SIK3: variants seen among roughly 807,000 people sequenced by gnomAD.
SIK3 encodes SIK family kinase 3, also known as serine/threonine-protein kinase SIK3.
In SIK3, 28 loss-of-function variants were observed where a neutral mutation model predicts 144.2. That is an observed-to-expected ratio of 0.19 (90% CI 0.14 to 0.27). The LOEUF (loss-of-function observed/expected upper bound fraction) is 0.27, where lower values mean the gene tolerates loss of function less well. SIK3 is among the 10% of genes least tolerant of loss of function. The pLI, the probability that SIK3 is intolerant of heterozygous loss-of-function variation, is 1.00. For synonymous variants in SIK3, 686 were observed against 676.3 expected (o/e 1.01, Z -0.22); for missense variants, 1,319 against 1,776.0 (o/e 0.74, Z 4.62).
chr11:116,989,535 C>T (rs1394565756), intron 1 of SIK3, among the ~76,000 whole-genome samples: 3 of 151,478 alleles, frequency 2.0e-5, no homozygotes, highest in African/African-American at 7.3e-5. Context: ...CAAAAAGATA[C>T]AGTATCAGTA....
rs75354941 is a variant in SIK3 at position 117,070,079 on chromosome 11, C to T, written c.273+28064G>A. ...CTAAGAGATCAACATTAGCTTAGCT[C>T]TATTCCTTAGTCATGAAATGCATCC... On this transcript the variant is annotated intron_variant, in intron 1 of 24. Transcript: ENST00000445177. Among the ~76,000 whole-genome samples, 124 of 152,260 alleles carry T rather than the reference C, an allele frequency of 8.1e-4. 1 individual carries two copies. In the East Asian group the frequency reaches 0.024, roughly 29 times the overall value.
chr11:116,852,989 G>C (rs1440529258), intron 21 of SIK3, among the ~76,000 whole-genome samples: 1 of 152,140 alleles, frequency 6.6e-6, no homozygotes, highest in Non-Finnish European at 1.5e-5. Flanking sequence ...GTGCAGAGTG[G>C]GCAAGGAGGC....
chr11:117,023,621 A>AAAAAAATATATATATATATATAT (rs754624841), intron 1 of SIK3, among the ~76,000 whole-genome samples: 2 of 95,420 alleles, frequency 2.1e-5, no homozygotes, highest in East Asian at 6.1e-4. Context: ...AAAAAAAAAA[A>AAAAAAATATATATATATATATAT]ATATATATAT....
chr11:117,061,789 T>C (rs1953806154), intron 1 of SIK3, among the ~76,000 whole-genome samples: 1 of 152,106 alleles, frequency 6.6e-6, no homozygotes, highest in Non-Finnish European at 1.5e-5. Flanking sequence ...TCTTTGAAAA[T>C]GTCAATAAAT....
At chr11:116,941,410 A>G (rs1237135011) in intron 3 of SIK3, among the ~76,000 whole-genome samples, 1 of 5,204 alleles carries the variant, frequency 1.9e-4, no homozygotes, top group Admixed American at 1.4e-3. Context: ...AAAACATGTA[A>G]AAAAAAAAAA....
chr11:116,855,461 T>A (rs1352487166), intron 21 of SIK3: 2 of 151,610 alleles, frequency 1.3e-5, no homozygotes, highest in East Asian at 3.9e-4. Context: ...GAAGAAGGGG[T>A]CCTCTGACAA....
chr11:116,930,334 A>G (rs1158364076), intron 3 of SIK3, among the ~76,000 whole-genome samples: 1 of 152,146 alleles, frequency 6.6e-6, no homozygotes, highest in Non-Finnish European at 1.5e-5. Flanking sequence ...AGCAGCCTGC[A>G]GTGGTTTTCA....
At chr11:117,011,188 G>A (rs755434664) in intron 1 of SIK3, among the ~76,000 whole-genome samples, 19 of 152,230 alleles carry the variant, frequency 1.2e-4, no homozygotes, top group Non-Finnish European at 2.2e-4. Flanking sequence ...GAAGAAAAAA[G>A]AGATGAAATC....
At chr11:117,092,063 G>C (rs1377414471) in intron 1 of SIK3, among the ~76,000 whole-genome samples, 1 of 152,084 alleles carries the variant, frequency 6.6e-6, no homozygotes, top group Non-Finnish European at 1.5e-5. Flanking sequence ...GGAATTACAG[G>C]CATGAGCCAC....
chr11:116,849,385 A>C lies in SIK3; in HGVS notation c.3656-102T>G. 7.2e-7 allele frequency: 1 copy of C among 1,386,482 alleles called. No homozygotes were observed. Among genetic ancestry groups the C allele is most frequent in the South Asian group, 1.3e-5 (1 of 79,804 alleles). 85.9% of individuals were successfully genotyped at this position (1,386,482 alleles called of 1,614,324 possible). On this transcript the variant is annotated intron_variant, in intron 21 of 24. Transcript: ENST00000445177. The surrounding 1 kb of genome is among the most constrained non-coding windows in gnomAD (Gnocchi z 4.2). ...TTGCAAGGGACAATGGGCAAGGCTG[A>C]GGAGATCATGTACACCAACCGCTGA... is the stretch of plus-strand genomic sequence containing the variant.
intron 3 of SIK3, among the ~76,000 whole-genome samples, chr11:116,953,328 T>C (rs1949020262): frequency 6.6e-6 from 1 of 152,184 alleles, no homozygotes; most frequent in African/African-American, 2.4e-5. Flanking sequence ...CTTTTCTCTG[T>C]AGTTAGTTGC....
intron 1 of SIK3, among the ~76,000 whole-genome samples, chr11:117,047,034 G>A (rs1363492685): frequency 6.6e-6 from 1 of 152,064 alleles, no homozygotes; most frequent in Non-Finnish European, 1.5e-5. Context: ...CGGTCTCCCT[G>A]AAACTGTATT....
rs1020971805 is a variant in SIK3 at position 116,995,061 on chromosome 11, A to C, written c.274-37997T>G. Among the ~76,000 whole-genome samples the C allele has an allele frequency of 2.6e-5, 4 of 151,904 alleles. 1 individual carries two copies. Among genetic ancestry groups the C allele is most frequent in the Admixed American group, 1.3e-4 (2 of 15,252 alleles). ...GGTAGGTATGTCACCTGAGGTCAGG[A>C]GTTTGAGACCAGCCTGGGCAACATA... On this transcript the variant is annotated intron_variant, in intron 1 of 24. Coordinates refer to ENST00000445177, the MANE Select transcript of SIK3 (RefSeq NM_001366686.3).
At position 116,845,879 on chromosome 11, in the gene SIK3, A is replaced by G. The variant is rs577534272; in HGVS notation, c.*14-250T>C. On this transcript the variant is annotated intron_variant, in intron 24 of 24. Coordinates refer to ENST00000445177, the MANE Select transcript of SIK3 (RefSeq NM_001366686.3). ...TTGCATTACTCCAGCCAAACAAGCC[A>G]ATTTCCCCATTCTTTCTACCATGGG... Among the ~76,000 whole-genome samples the G allele has an allele frequency of 8.5e-5, 13 of 152,248 alleles. 1 individual carries two copies. In the South Asian group the frequency reaches 2.1e-3, roughly 24 times the overall value.
intron 1 of SIK3, among the ~76,000 whole-genome samples, chr11:116,967,315 G>C (rs1949595459): frequency 6.6e-6 from 1 of 152,108 alleles, no homozygotes; most frequent in South Asian, 2.1e-4. Context: ...AAGACTTAAG[G>C]CTCCAGCTGA....
intron 1 of SIK3, among the ~76,000 whole-genome samples, chr11:116,970,646 G>A (rs1949735388): frequency 1.3e-5 from 2 of 150,672 alleles, no homozygotes; most frequent in African/African-American, 4.9e-5. Flanking sequence ...CACCACGCCC[G>A]GCTGTATTTG....
chr11:116,959,194 C>T (rs564011827), intron 1 of SIK3, among the ~76,000 whole-genome samples: 3 of 152,104 alleles, frequency 2.0e-5, no homozygotes, highest in South Asian at 4.2e-4. Context: ...ATTAGCCGAG[C>T]ATGGTAGCAT....
At chr11:117,000,062 T>A (rs1950798063) in intron 1 of SIK3, among the ~76,000 whole-genome samples, 1 of 152,212 alleles carries the variant, frequency 6.6e-6, no homozygotes, top group African/African-American at 2.4e-5. Context: ...AAGGTAAATA[T>A]CTAATATTAG....
At chr11:116,947,972 T>C (rs901385821) in intron 3 of SIK3, among the ~76,000 whole-genome samples, 16 of 151,532 alleles carry the variant, frequency 1.1e-4, no homozygotes, top group African/African-American at 3.9e-4. Flanking sequence ...TCTCACTCTG[T>C]TGCCCAGACT....
Sources: gnomAD v4.1 joint callset for allele counts (sites outside exome capture counted in the v4.1 genomes callset) on GRCh38, gnomAD v4.1.1 for gene constraint, Gnocchi (gnomAD v3.1) non-coding constraint, MANE v1.5 for transcripts, NCBI Gene and HGNC (gene_info 2026-07-23, HGNC 2026-07-21) for gene names.